The following COA8 variants were observed in gnomAD, a reference collection of about 807,000 sequenced individuals.
COA8 encodes the protein cytochrome c oxidase assembly factor 8.
In COA8, 20 loss-of-function variants were observed where a neutral mutation model predicts 22.0. The observed-to-expected ratio is 0.91, with a 90% confidence interval of 0.64 to 1.32. The LOEUF (loss-of-function observed/expected upper bound fraction) is 1.32. COA8 is among the 40% of genes most tolerant of loss of function. The probability of loss-of-function intolerance (pLI) is 0.00; values close to 1 mark genes in which losing one functional copy is unlikely to be tolerated. For missense variants in COA8, 266 were observed against 230.0 expected, an observed-to-expected ratio of 1.16 and a Z score of -1.01; for synonymous variants, 105 against 79.9, an observed-to-expected ratio of 1.31 and a Z score of -1.68.
chr14:103,566,173 G>A lies in COA8; in HGVS notation c.123+3049G>A, dbSNP rs78862240. Among the ~76,000 whole-genome samples, 1,294 of 152,076 alleles carry A rather than the reference G, an allele frequency of 8.5e-3. 22 individuals carry two copies. Among genetic ancestry groups the A allele is most frequent in the African/African-American group, 0.03 (1,250 of 41,476 alleles). On this transcript the variant is annotated intron_variant, in intron 1 of 4. Coordinates refer to ENST00000409074, the MANE Select transcript of COA8 (RefSeq NM_001370595.2). ...AGGCATGGTGGCTCACACCTTGCCA[G>A]CACTTTGGGAGACTGAGGCAGGCAG...
At chr14:103,575,195 G>C (rs1160671877) in intron 3 of COA8, among the ~76,000 whole-genome samples, 2 of 152,256 alleles carry the variant, frequency 1.3e-5, no homozygotes, top group African/African-American at 4.8e-5. Flanking sequence ...CACACCACAT[G>C]TGCCGTGTCC....
intron 3 of COA8, among the ~76,000 whole-genome samples, chr14:103,578,710 T>G (rs1183497786): frequency 6.6e-6 from 1 of 152,206 alleles, no homozygotes; most frequent in Non-Finnish European, 1.5e-5. Context: ...TTACAGTGCT[T>G]CTGCTGCTTG....
At chr14:103,580,091 T>G (rs187286033) in intron 3 of COA8, among the ~76,000 whole-genome samples, 2 of 152,150 alleles carry the variant, frequency 1.3e-5, no homozygotes, top group Admixed American at 1.3e-4. Flanking sequence ...TTTGCAAATA[T>G]TTGGAGACAA....
intron 3 of COA8, among the ~76,000 whole-genome samples, chr14:103,579,962 CAA>C (rs373279860): frequency 6.8e-5 from 8 of 117,580 alleles, no homozygotes; most frequent in Admixed American, 1.9e-4. Context: ...GACTCTGTCT[CAA>C]AAAAAAAAAA....
intron 3 of COA8, among the ~76,000 whole-genome samples, chr14:103,578,319 G>A (rs558810026): frequency 1.7e-4 from 26 of 152,338 alleles, no homozygotes; most frequent in African/African-American, 5.5e-4. Context: ...ATAAGGCTGT[G>A]GTGGCCTACG....
Position 103,581,491 on chromosome 14 carries a change from A to C in COA8, c.386-5783A>C, listed in dbSNP as rs951166704. On this transcript the variant is annotated intron_variant, in intron 3 of 4. Transcript: ENST00000409074. This position sits in a 1 kb window ranked among gnomAD's most constrained non-coding sequence, Gnocchi z 4.1. The stretch of plus-strand genomic sequence containing the variant: ...TCGGAGTAGGACCTTGGGAGGTTTC[A>C]TCACGCTACTCAGAACAGCATGCAG... The C allele has an allele frequency of 7.6e-6, 3 of 395,688 alleles. No individual in the cohort carries two copies. The highest frequency in any genetic ancestry group is 1.3e-5 in the Non-Finnish European group (3 of 224,624). The allele number at this position is 395,688 out of a possible 1,614,324, so 24.5% of individuals were successfully genotyped here.
chr14:103,587,729 A>G (rs904924993), intron 4 of COA8, among the ~76,000 whole-genome samples: 4 of 151,444 alleles, frequency 2.6e-5, no homozygotes, highest in Non-Finnish European at 5.9e-5. Context: ...GGATGGTCTC[A>G]ATCTCCTGAC....
chr14:103,574,046 A>G (rs1054141068), intron 2 of COA8, 61 bp from the exon 3 acceptor site: 120 of 1,512,786 alleles, frequency 7.9e-5, no homozygotes, highest in Admixed American at 1.8e-4. Context: ...GCCAAAGAAA[A>G]ATGGAAAGAC....
At chr14:103,587,730 A>G (rs2076319993) in intron 4 of COA8, among the ~76,000 whole-genome samples, 1 of 151,142 alleles carries the variant, frequency 6.6e-6, no homozygotes, top group Non-Finnish European at 1.5e-5. Context: ...GATGGTCTCA[A>G]TCTCCTGACC....
In COA8 at chr14:103,590,490, G is replaced by A. The variant is rs1040966661; in HGVS notation, c.*204G>A. 3.8e-6 allele frequency: 2 copies of A among 527,170 alleles called. No homozygotes were observed. The highest frequency in any genetic ancestry group is 5.0e-4 in the Middle Eastern group (1 of 1,990). 32.7% of individuals were successfully genotyped at this position (527,170 alleles called of 1,614,324 possible). On this transcript the variant is annotated 3_prime_UTR_variant, in exon 5 of 5. Transcript: ENST00000409074. The stretch of plus-strand genomic sequence containing the variant: ...GATGTGGGCTCTAGGCCAGCTTGTT[G>A]TCACGTACGTGGTGTGAAATAAAGC...
intron 2 of COA8, among the ~76,000 whole-genome samples, chr14:103,573,642 T>C (rs1185654663): frequency 6.6e-6 from 1 of 152,010 alleles, no homozygotes; most frequent in East Asian, 1.9e-4. Flanking sequence ...AACCTCCGCC[T>C]CCTGGGTTCA....
chr14:103,584,928 A>T lies in COA8; in HGVS notation c.386-2346A>T, dbSNP rs1744162487. On this transcript the variant is annotated intron_variant, in intron 3 of 4. Coordinates refer to ENST00000409074, the MANE Select transcript of COA8 (RefSeq NM_001370595.2). ...GCCAAGGCGGGCGGATCATGAAGTC[A>T]GGAGTTCAAGACCAGTCTGACCGAT... Among the ~76,000 whole-genome samples, 6 of 150,460 alleles carry T rather than the reference A, an allele frequency of 4.0e-5. No homozygotes were observed. In the South Asian group the frequency reaches 1.3e-3, roughly 32 times the overall value.
chr14:103,576,423 C>T (rs1258119706), intron 3 of COA8, among the ~76,000 whole-genome samples: 1 of 152,138 alleles, frequency 6.6e-6, no homozygotes, highest in Admixed American at 6.5e-5. Context: ...GGAATGATAC[C>T]GTCCTGAGCT....
chr14:103,563,052 C>T lies in COA8; in HGVS notation c.51C>T (p.Arg17=), dbSNP rs761575500. The change falls in exon 1 of 5, where the codon CGC becomes CGT. Residue 17 remains arginine (R), a synonymous_variant. Transcript: ENST00000409074. ...AGACCTTTCTCCCCCCTCTCTGCCG[C>T]GCCTTCGCCTGCCGCGGCTGTCAAC... ...GKKTFLPPLC[R]AFACRGCQLA... is the part of the protein sequence containing the mutation. 1.9e-6 allele frequency: 3 copies of T among 1,539,638 alleles called. No individual in the cohort carries two copies. The highest frequency in any genetic ancestry group is 2.4e-5 in the South Asian group (2 of 84,556).
At chr14:103,588,958 G>A (rs2076330942) in intron 4 of COA8, among the ~76,000 whole-genome samples, 1 of 152,220 alleles carries the variant, frequency 6.6e-6, no homozygotes, top group Admixed American at 6.5e-5. Context: ...GTATTACTCT[G>A]AATTAGTTAA....
rs1344782614 is a variant in COA8 at position 103,587,324 on chromosome 14, T to C, written c.436T>C (p.Phe146Leu). The C allele has an allele frequency of 1.2e-6, 2 of 1,613,240 alleles. No individual in the cohort carries two copies. The highest frequency in any genetic ancestry group is 2.7e-5 in the African/African-American group (2 of 74,890). The change falls in exon 4 of 5, where the codon TTT (phenylalanine) becomes CTT (leucine). Residue 146 changes from phenylalanine to leucine, a missense_variant. Coordinates refer to ENST00000409074, the MANE Select transcript of COA8 (RefSeq NM_001370595.2). Reference sequence around the variant, plus strand: ...AGAAATGGCGGACTTCTACAAGGAATTTTTAAGTAAAAATTTTCAGAAGCA... The same window carrying C: ...AGAAATGGCGGACTTCTACAAGGAACTTTTAAGTAAAAATTTTCAGAAGCA... ...AEEMADFYKE[F>L]LSKNFQKHMY... is the part of the protein sequence containing the mutation.
chr14:103,574,031 C>T, intron 2 of COA8, 76 bp from the exon 3 acceptor site: 2 of 1,476,148 alleles, frequency 1.4e-6, no homozygotes, highest in Non-Finnish European at 1.8e-6. Flanking sequence ...GTGAGCTGTG[C>T]TCTAGCCAAA....
At position 103,587,379 on chromosome 14, in the gene COA8, T is replaced by C. The variant is rs2076316005; in HGVS notation, c.476+15T>C. The C allele has an allele frequency of 1.9e-6, 3 of 1,577,874 alleles. 1 individual carries two copies. The highest frequency in any genetic ancestry group is 2.7e-5 in the African/African-American group (2 of 74,178). ...TATTATAACAGGTAGGTGTTTACTC[T>C]TTTCCTGAAAATTTGAATAGCACAT... On this transcript the variant is annotated intron_variant, in intron 4 of 4. Coordinates refer to ENST00000409074, the MANE Select transcript of COA8 (RefSeq NM_001370595.2).
intron 1 of COA8, among the ~76,000 whole-genome samples, chr14:103,568,720 C>T (rs1333965283): frequency 6.6e-6 from 1 of 151,654 alleles, no homozygotes; most frequent in Non-Finnish European, 1.5e-5. Flanking sequence ...ACCTCCGCCT[C>T]CCAGGTTCAA....
Sources: gnomAD v4.1 joint callset for allele counts (sites outside exome capture counted in the v4.1 genomes callset) on GRCh38, gnomAD v4.1.1 for gene constraint, Gnocchi (gnomAD v3.1) non-coding constraint, MANE v1.5 for transcripts, NCBI Gene and HGNC (gene_info 2026-07-23, HGNC 2026-07-21) for gene names.